CEP112: variants seen among roughly 807,000 people sequenced by gnomAD.
The protein encoded by CEP112 is centrosomal protein 112, also known as centrosomal protein of 112 kDa.
A neutral mutation model predicts 153.0 loss-of-function variants in CEP112; 127 were observed. The ratio of observed to expected loss-of-function variants is 0.83; its 90% CI spans 0.72 to 0.96. The LOEUF is 0.96. Ranked by LOEUF, CEP112 falls within the 40% of genes least tolerant of loss-of-function variation. The pLI is 0.00. For missense variants in CEP112, 1,089 were observed against 1,101.2 expected (o/e 0.99, Z 0.16); for synonymous variants, 358 against 374.4 (o/e 0.96, Z 0.51).
At chr17:65,725,495 C>A (rs2050126953) in intron 23 of CEP112, among the ~76,000 whole-genome samples, 2 of 152,154 alleles carry the variant, frequency 1.3e-5, no homozygotes, top group Middle Eastern at 3.4e-3. Context: ...TCTTTTGTAT[C>A]TCGTAGAAAT....
intron 21 of CEP112, among the ~76,000 whole-genome samples, chr17:65,767,155 A>C (rs530679930): frequency 1.3e-5 from 2 of 152,274 alleles, no homozygotes; most frequent in East Asian, 3.9e-4. Context: ...ACAAGTCTTA[A>C]ATTTAAGAAG....
intron 20 of CEP112, among the ~76,000 whole-genome samples, chr17:65,853,459 A>G (rs1439268500): frequency 6.6e-6 from 1 of 152,126 alleles, no homozygotes; most frequent in Non-Finnish European, 1.5e-5. Context: ...GGCCAGGCGC[A>G]GTGACTCATG....
rs186318821 is a variant in CEP112 at position 66,028,184 on chromosome 17, C to A, written c.1596+129G>T. 1.0e-5 allele frequency: 6 copies of A among 584,644 alleles called. No homozygotes were observed. The Admixed American group carries it at 1.7e-4, about 16-fold the overall frequency. The allele number at this position is 584,644 out of a possible 1,614,324, so 36.2% of individuals were successfully genotyped here. A position where few individuals can be genotyped will look rare whatever the true frequency, so the allele number is the denominator to read the frequency against. ...AAATAAAATGTAAAATTATACAATG[C>A]GATAAAAGAATCAGAAAAGATGACC... On this transcript the variant is annotated intron_variant, in intron 15 of 26. Transcript: ENST00000535342.
chr17:65,720,209 G>A (rs1378390808), intron 23 of CEP112, among the ~76,000 whole-genome samples: 1 of 152,214 alleles, frequency 6.6e-6, no homozygotes, highest in Non-Finnish European at 1.5e-5. Flanking sequence ...TGGACATGGA[G>A]AGTTTCAGTT....
intron 21 of CEP112, among the ~76,000 whole-genome samples, chr17:65,781,397 A>G (rs2145628193): frequency 6.6e-6 from 1 of 152,328 alleles, no homozygotes; most frequent in Non-Finnish European, 1.5e-5. Context: ...AAGAATCAAT[A>G]TCATTAACAT....
At chr17:66,025,968 C>CCACACACACA (rs150059801) in intron 16 of CEP112, among the ~76,000 whole-genome samples, 5 of 130,570 alleles carry the variant, frequency 3.8e-5, no homozygotes, top group Non-Finnish European at 8.3e-5. Flanking sequence ...TATATATAGA[C>CCACACACACA]CACACACACA....
intron 20 of CEP112, among the ~76,000 whole-genome samples, chr17:65,884,719 CTTTT>C: frequency 1.2e-5 from 1 of 86,656 alleles, no homozygotes; most frequent in South Asian, 4.4e-4. Flanking sequence ...TTTTTTTTTT[CTTTT>C]TTTTTTTTTT....
At chr17:66,090,348 T>G (rs56308243) in intron 8 of CEP112, among the ~76,000 whole-genome samples, 24,266 of 151,920 alleles carry the variant, frequency 0.16, 2,644 homozygotes, top group African/African-American at 0.31. Context: ...ATTATATTAT[T>G]TAAATATAAT....
intron 18 of CEP112, among the ~76,000 whole-genome samples, chr17:65,947,880 A>G (rs1459822845): frequency 6.6e-6 from 1 of 152,158 alleles, no homozygotes; most frequent in African/African-American, 2.4e-5. Flanking sequence ...TTATTATCAT[A>G]AAAGTAGTCT....
intron 21 of CEP112, among the ~76,000 whole-genome samples, chr17:65,817,056 A>C (rs769748090): frequency 9.9e-5 from 15 of 152,004 alleles, no homozygotes; most frequent in Non-Finnish European, 1.8e-4. Context: ...GAAAGCAAAA[A>C]CTAAAATGTT....
At chr17:65,795,023 T>C (rs917921791) in intron 21 of CEP112, among the ~76,000 whole-genome samples, 6 of 152,208 alleles carry the variant, frequency 3.9e-5, no homozygotes, top group African/African-American at 1.4e-4. Context: ...ACGAATAAAC[T>C]AAGTGCTAGG....
chr17:66,036,057 ATGT>A (rs2065726759), intron 12 of CEP112, among the ~76,000 whole-genome samples: 1 of 152,262 alleles, frequency 6.6e-6, no homozygotes, highest in South Asian at 2.1e-4. Context: ...AGCCTGTTTT[ATGT>A]TACAACTTGA....
At chr17:65,740,898 C>A (rs969500498) in intron 23 of CEP112, among the ~76,000 whole-genome samples, 6 of 152,132 alleles carry the variant, frequency 3.9e-5, no homozygotes, top group Admixed American at 3.9e-4. Context: ...ATCATTCATG[C>A]AGAGAGAAGA....
At position 66,030,427 on chromosome 17, in the gene CEP112, T is replaced by C. The variant is rs149528966; in HGVS notation, c.1219-404A>G. On this transcript the variant is annotated intron_variant, in intron 12 of 26. Transcript: ENST00000535342. The stretch of plus-strand genomic sequence containing the variant: ...TGCGTTTGATTTTAAGTTTTTGAAA[T>C]GTGTTATAAGAGTAATGTAATAGTA... 9.2e-5 allele frequency among the ~76,000 whole-genome samples: 14 copies of C among 152,302 alleles called. No homozygotes were observed. In the East Asian group the frequency reaches 2.5e-3, roughly 27 times the overall value.
At chr17:66,034,786 T>G (rs970974921) in intron 12 of CEP112, among the ~76,000 whole-genome samples, 1 of 151,426 alleles carries the variant, frequency 6.6e-6, no homozygotes, top group Non-Finnish European at 1.5e-5. Flanking sequence ...TAAAGTGAAC[T>G]TGAATTTTTT....
chr17:66,183,542 G>A (rs754140772), intron 1 of CEP112, among the ~76,000 whole-genome samples: 1 of 151,726 alleles, frequency 6.6e-6, no homozygotes, highest in Non-Finnish European at 1.5e-5. Flanking sequence ...TTTTGAGAAA[G>A]TACAAAGTTG....
chr17:65,760,323 T>A (rs888395649), intron 21 of CEP112, among the ~76,000 whole-genome samples: 11 of 152,172 alleles, frequency 7.2e-5, no homozygotes, highest in African/African-American at 2.7e-4. Flanking sequence ...GGAATCACAA[T>A]CAATGCCCTG....
chr17:66,188,552 T>G (rs1177439874), intron 1 of CEP112, among the ~76,000 whole-genome samples: 1 of 150,704 alleles, frequency 6.6e-6, no homozygotes, highest in East Asian at 2.0e-4. Flanking sequence ...CAGTGTAAAC[T>G]GTTCACATCT....
intron 17 of CEP112, among the ~76,000 whole-genome samples, chr17:65,978,287 T>C (rs1177603581): frequency 6.6e-6 from 1 of 151,930 alleles, no homozygotes; most frequent in Non-Finnish European, 1.5e-5. Context: ...ATATCTAGTA[T>C]ATGTTGCCAT....
Sources: gnomAD v4.1 joint callset for allele counts (sites outside exome capture counted in the v4.1 genomes callset) on GRCh38, gnomAD v4.1.1 for gene constraint, MANE v1.5 for transcripts, NCBI Gene and HGNC (gene_info 2026-07-23, HGNC 2026-07-21) for gene names.